The following SLC22A24 variants were observed in gnomAD, a reference collection of about 807,000 sequenced individuals.
SLC22A24 encodes the protein steroid transmembrane transporter SLC22A24.
In SLC22A24, 53 loss-of-function variants were observed where a neutral mutation model predicts 49.8. The observed-to-expected ratio is 1.06, with a 90% CI of 0.85 to 1.34. The LOEUF (loss-of-function observed/expected upper bound fraction) is 1.34, where lower values mean the gene tolerates loss of function less well. SLC22A24 is among the 40% of genes most tolerant of loss of function. The pLI is 0.00. For missense variants in SLC22A24, 786 were observed against 675.9 expected (o/e 1.16, Z -1.81); for synonymous variants, 302 against 256.4 (o/e 1.18, Z -1.70).
At chr11:63,135,082 C>T (rs1265780024) in intron 1 of SLC22A24, among the ~76,000 whole-genome samples, 4 of 152,102 alleles carry the variant, frequency 2.6e-5, no homozygotes, top group African/African-American at 9.7e-5. Flanking sequence ...ACCTTATACA[C>T]ATTTTTTGGG....
At chr11:63,096,446 C>A (rs1298189775) in intron 5 of SLC22A24, among the ~76,000 whole-genome samples, 1 of 152,136 alleles carries the variant, frequency 6.6e-6, no homozygotes, top group Non-Finnish European at 1.5e-5. Flanking sequence ...ATCCACTGGG[C>A]ATGAAATACT....
At chr11:63,111,121 CT>C (rs1018900282) in intron 4 of SLC22A24, among the ~76,000 whole-genome samples, 190 of 152,058 alleles carry the variant, frequency 1.2e-3, no homozygotes, top group African/African-American at 4.4e-3. Flanking sequence ...TGGTTTTTGT[CT>C]TTGGTTCTTT....
chr11:63,090,664 A>AATAAATAAATAC (rs2087014822), intron 6 of SLC22A24, among the ~76,000 whole-genome samples: 1 of 3,248 alleles, frequency 3.1e-4, no homozygotes, highest in Non-Finnish European at 0.017. Flanking sequence ...CTTAAAGTAC[A>AATAAATAAATAC]ATAAATAAAT....
Position 63,143,764 on chromosome 11 carries a change from G to A in SLC22A24, c.16C>T (p.Leu6Phe), listed in dbSNP as rs146130039. 2.1e-6 allele frequency: 3 copies of A among 1,431,322 alleles called. No homozygotes were observed. Among genetic ancestry groups the A allele is most frequent in the East Asian group, 2.7e-5 (1 of 36,560 alleles). The allele number at this position is 1,431,322 out of a possible 1,614,324, so 88.7% of individuals were successfully genotyped here. A position where few individuals can be genotyped will look rare whatever the true frequency, so the allele number is the denominator to read the frequency against. MGFDVLLDQVGGMGRF... is the reference protein window; with the variant it reads MGFDVFLDQVGGMGRF... ...CCCATGCCACCCACTTGATCCAGGA[G>A]CACATCAAAGCCCATTGAGACTGAA... The change falls in exon 1 of 10, where the codon CTC becomes TTC. Residue 6 changes from leucine to phenylalanine, a missense_variant. By Grantham distance (22) the Leu-to-Phe change is conservative (BLOSUM62 0). Transcript: ENST00000612278.
chr11:63,138,109 A>G (rs1252019397), intron 1 of SLC22A24, among the ~76,000 whole-genome samples: 2 of 152,180 alleles, frequency 1.3e-5, no homozygotes, highest in Non-Finnish European at 2.9e-5. Context: ...TAGGACCTCT[A>G]TAAGCCTGCC....
intron 1 of SLC22A24, among the ~76,000 whole-genome samples, chr11:63,139,533 G>A (rs796486243): frequency 1.4e-4 from 21 of 152,252 alleles, no homozygotes; most frequent in African/African-American, 4.8e-4. Context: ...AGAAAAGCAT[G>A]CTCTTGGCTA....
At chr11:63,134,295 C>T (rs2087357667) in intron 2 of SLC22A24, among the ~76,000 whole-genome samples, 1 of 152,110 alleles carries the variant, frequency 6.6e-6, no homozygotes, top group Non-Finnish European at 1.5e-5. Flanking sequence ...CACAAATTTG[C>T]ACTTTCAGAC....
At chr11:63,094,059 T>C (rs2087037367) in intron 6 of SLC22A24, among the ~76,000 whole-genome samples, 1 of 151,990 alleles carries the variant, frequency 6.6e-6, no homozygotes, top group African/African-American at 2.4e-5. Flanking sequence ...GTTACATATG[T>C]ATACATGTGC....
chr11:63,083,375 A>G lies in SLC22A24; in HGVS notation c.1153T>C (p.Cys385Arg). 6.4e-7 allele frequency: 1 copy of G among 1,552,062 alleles called. No homozygotes were observed. Among genetic ancestry groups the G allele is most frequent in the Non-Finnish European group, 8.7e-7 (1 of 1,147,072 alleles). ...CTGGCTGTGAATGTGACAGCTCCAC[A>G]GAGAATCTGGAACAGGGAGACATTG... ...GSNVSLFQILCGAVTFTARCV... is the reference protein window; with the variant it reads ...GSNVSLFQILRGAVTFTARCV... Residue 385 changes from cysteine to arginine, a missense_variant, in exon 7 of 10, where the codon TGT becomes CGT. Coordinates refer to ENST00000612278, the MANE Select transcript of SLC22A24 (RefSeq NM_001136506.2).
intron 6 of SLC22A24, among the ~76,000 whole-genome samples, chr11:63,095,397 A>G (rs12786338): frequency 0.13 from 20,181 of 152,254 alleles, 1,777 homozygotes; most frequent in Non-Finnish European, 0.2. Flanking sequence ...CAATTAATTA[A>G]AAGACCAAAT....
At chr11:63,107,852 C>T (rs1201449709) in intron 4 of SLC22A24, among the ~76,000 whole-genome samples, 1 of 152,068 alleles carries the variant, frequency 6.6e-6, no homozygotes, top group Non-Finnish European at 1.5e-5. Context: ...ATGGGGTTTT[C>T]TAGATATACA....
intron 2 of SLC22A24, among the ~76,000 whole-genome samples, chr11:63,133,012 C>T (rs1034523573): frequency 1.3e-5 from 2 of 152,172 alleles, no homozygotes; most frequent in African/African-American, 4.8e-5. Context: ...ACTCAAGCCT[C>T]AGCAATGGTG....
At chr11:63,119,782 A>G (rs2087238365) in intron 2 of SLC22A24, among the ~76,000 whole-genome samples, 1 of 152,196 alleles carries the variant, frequency 6.6e-6, no homozygotes, top group Non-Finnish European at 1.5e-5. Context: ...GTGGAAAGAC[A>G]ATAAATCAAA....
chr11:63,115,048 C>G (rs562347022), intron 4 of SLC22A24, among the ~76,000 whole-genome samples: 2 of 152,202 alleles, frequency 1.3e-5, no homozygotes, highest in Admixed American at 6.5e-5. Context: ...GCAGCCTGTC[C>G]ATTCTCAGAG....
chr11:63,106,070 A>AT (rs1386948743), intron 4 of SLC22A24, among the ~76,000 whole-genome samples: 10 of 140,938 alleles, frequency 7.1e-5, no homozygotes. Context: ...TCCTAAAGCT[A>AT]TCCCTCCCCC....
intron 6 of SLC22A24, among the ~76,000 whole-genome samples, chr11:63,085,113 G>A (rs1012346324): frequency 3.3e-5 from 5 of 152,024 alleles, no homozygotes; most frequent in Middle Eastern, 3.4e-3. Context: ...CTCATTATTC[G>A]ACATGAATTA....
chr11:63,137,296 C>T (rs1325780307), intron 1 of SLC22A24, among the ~76,000 whole-genome samples: 1 of 152,114 alleles, frequency 6.6e-6, no homozygotes, highest in Non-Finnish European at 1.5e-5. Context: ...GGCTAGGGAT[C>T]TGATTTGGAA....
intron 5 of SLC22A24, among the ~76,000 whole-genome samples, chr11:63,096,379 A>G (rs777424530): frequency 6.6e-6 from 1 of 152,186 alleles, no homozygotes; most frequent in Non-Finnish European, 1.5e-5. Context: ...AAATATTTGC[A>G]TTATAAATCG....
intron 4 of SLC22A24, among the ~76,000 whole-genome samples, chr11:63,111,713 T>C (rs1258947397): frequency 1.3e-5 from 2 of 152,084 alleles, no homozygotes. Context: ...TATCATTTTT[T>C]ATTGTGTCTA....
Sources: allele counts gnomAD v4.1 joint callset (sites outside exome capture counted in the v4.1 genomes callset), GRCh38; gene constraint gnomAD v4.1.1; transcripts MANE v1.5; gene names NCBI Gene and HGNC (gene_info 2026-07-23, HGNC 2026-07-21).